DAB1: variants seen among roughly 807,000 people sequenced by gnomAD.
DAB1 encodes disabled homolog 1.
DAB1 carries 15 observed loss-of-function variants against 64.6 expected under a neutral mutation model. The observed-to-expected ratio is 0.23, with a 90% CI of 0.16 to 0.36. DAB1 has a LOEUF of 0.36. Ranked by LOEUF, DAB1 falls within the 10% of genes least tolerant of loss-of-function variation. The pLI is 1.00. For missense variants in DAB1, 596 were observed against 706.7 expected (o/e 0.84, Z 1.78); for synonymous variants, 235 against 251.9 (o/e 0.93, Z 0.64).
At chr1:57,382,716 G>A (rs1302022778) in intron 1 of DAB1, among the ~76,000 whole-genome samples, 1 of 152,112 alleles carries the variant, frequency 6.6e-6, no homozygotes, top group Non-Finnish European at 1.5e-5. Context: ...GCCGGGGAAA[G>A]GTTCTCAGCT....
At chr1:58,113,605 A>G (rs1299278415) in intron 5 of DAB1, among the ~76,000 whole-genome samples, 2 of 151,956 alleles carry the variant, frequency 1.3e-5, no homozygotes, top group African/African-American at 4.9e-5. Context: ...GGGTTTTTGT[A>G]AACGAAGAGC....
intron 3 of DAB1, among the ~76,000 whole-genome samples, chr1:58,475,477 AACACACAC>A (rs112408529): frequency 4.1e-5 from 6 of 148,134 alleles, no homozygotes; most frequent in Admixed American, 6.7e-5. Flanking sequence ...AGGTTAATTA[AACACACAC>A]ACACACACAC....
intron 9 of DAB1, among the ~76,000 whole-genome samples, chr1:57,061,423 A>G (rs1052802533): frequency 1.3e-5 from 2 of 152,198 alleles, no homozygotes; most frequent in East Asian, 1.9e-4. Flanking sequence ...CCATCTCCCT[A>G]TGCAATTTGT....
At chr1:57,105,309 A>G (rs1655040504) in intron 4 of DAB1, among the ~76,000 whole-genome samples, 1 of 152,190 alleles carries the variant, frequency 6.6e-6, no homozygotes, top group Non-Finnish European at 1.5e-5. Context: ...AATGAAAAAA[A>G]AATGCATTTT....
At chr1:57,764,581 GTCC>G (rs1381946522) in intron 6 of DAB1, among the ~76,000 whole-genome samples, 6 of 152,192 alleles carry the variant, frequency 3.9e-5, no homozygotes, top group African/African-American at 1.4e-4. Context: ...TATCCGTCTT[GTCC>G]TCCTACCCTT....
chr1:58,391,196 G>C (rs922811020), intron 3 of DAB1, among the ~76,000 whole-genome samples: 9 of 152,358 alleles, frequency 5.9e-5, no homozygotes, highest in Middle Eastern at 3.4e-3. Context: ...GCTGGGGCAA[G>C]AGCCGTAAAG....
At chr1:57,566,430 C>A (rs935179787) in intron 7 of DAB1, among the ~76,000 whole-genome samples, 3 of 151,980 alleles carry the variant, frequency 2.0e-5, no homozygotes, top group African/African-American at 7.3e-5. Flanking sequence ...AAGATCAGGG[C>A]AGAACTGAAG....
At chr1:57,064,587 T>A (rs1257894350) in intron 8 of DAB1, among the ~76,000 whole-genome samples, 2 of 152,104 alleles carry the variant, frequency 1.3e-5, no homozygotes, top group Non-Finnish European at 2.9e-5. Context: ...GACAGAGTAG[T>A]TTGTGTGATT....
At chr1:57,330,897 C>T (rs1676607476) in intron 1 of DAB1, among the ~76,000 whole-genome samples, 1 of 152,102 alleles carries the variant, frequency 6.6e-6, no homozygotes, top group African/African-American at 2.4e-5. Context: ...GAATACCCTT[C>T]CCTCTCCTCT....
intron 6 of DAB1, among the ~76,000 whole-genome samples, chr1:57,769,712 T>C (rs1649473356): frequency 6.6e-6 from 1 of 152,162 alleles, no homozygotes; most frequent in South Asian, 2.1e-4. Context: ...TTTTGTCAAA[T>C]TGAAGAATAA....
At chr1:58,280,639 C>A (rs990634278) in intron 4 of DAB1, among the ~76,000 whole-genome samples, 5 of 152,222 alleles carry the variant, frequency 3.3e-5, no homozygotes, top group Admixed American at 3.3e-4. Context: ...TCCTACCTGG[C>A]ACTTTCCAGC....
At chr1:57,904,664 C>G (rs1644524959) in intron 5 of DAB1, among the ~76,000 whole-genome samples, 1 of 152,132 alleles carries the variant, frequency 6.6e-6, no homozygotes, top group South Asian at 2.1e-4. Flanking sequence ...CTATGAACAG[C>G]TGGAGTGAAG....
chr1:57,695,385 A>AAAGGAAAG (rs1646826580), intron 6 of DAB1, among the ~76,000 whole-genome samples: 1 of 74,228 alleles, frequency 1.3e-5, no homozygotes, highest in Non-Finnish European at 3.0e-5. Context: ...AGAAAGAAAG[A>AAAGGAAAG]AAGAAAGAAA....
At chr1:58,139,027 A>C (rs1047198990) in intron 5 of DAB1, among the ~76,000 whole-genome samples, 4 of 152,160 alleles carry the variant, frequency 2.6e-5, no homozygotes, top group African/African-American at 9.7e-5. Flanking sequence ...CTTAAACTCC[A>C]CCATCAAGGT....
intron 7 of DAB1, among the ~76,000 whole-genome samples, chr1:57,511,818 T>A (rs149043703): frequency 6.6e-6 from 1 of 152,310 alleles, no homozygotes; most frequent in African/African-American, 2.4e-5. Flanking sequence ...TTTGACCATC[T>A]GGCAAAGTCA....
intron 3 of DAB1, among the ~76,000 whole-genome samples, chr1:58,464,316 G>C (rs1272428327): frequency 6.6e-6 from 1 of 152,192 alleles, no homozygotes; most frequent in South Asian, 2.1e-4. Flanking sequence ...TATGCCCAGG[G>C]CATGTCAAGG....
chr1:58,152,469 C>T (rs1356975678), intron 4 of DAB1, among the ~76,000 whole-genome samples: 1 of 152,170 alleles, frequency 6.6e-6, no homozygotes, highest in Non-Finnish European at 1.5e-5. Context: ...CAGGCACAAG[C>T]CTTCCTCCTG....
At chr1:58,290,570 G>T (rs545786890) in intron 4 of DAB1, among the ~76,000 whole-genome samples, 1 of 152,218 alleles carries the variant, frequency 6.6e-6, no homozygotes, top group African/African-American at 2.4e-5. Flanking sequence ...AAAAAAATTG[G>T]TATTTCTCCA....
intron 4 of DAB1, among the ~76,000 whole-genome samples, chr1:57,117,181 G>GT (rs930975067): frequency 1.3e-5 from 2 of 152,178 alleles, no homozygotes; most frequent in East Asian, 1.9e-4. Flanking sequence ...GAAAAGTAGG[G>GT]TTTTTTTACA....
Sources: gnomAD v4.1 joint callset for allele counts (sites outside exome capture counted in the v4.1 genomes callset) on GRCh38, gnomAD v4.1.1 for gene constraint, MANE v1.5 for transcripts, NCBI Gene and HGNC (gene_info 2026-07-23, HGNC 2026-07-21) for gene names.